The following DHX36 variants were observed in gnomAD, a reference collection of about 807,000 sequenced individuals.
The protein encoded by DHX36 is DEAH-box helicase 36, also known as ATP-dependent DNA/RNA helicase DHX36.
In DHX36, 50 loss-of-function variants were observed where a neutral mutation model predicts 139.0. That is an observed-to-expected ratio of 0.36 (90% CI 0.29 to 0.46). The LOEUF (loss-of-function observed/expected upper bound fraction) is 0.46. DHX36 is among the 20% of genes least tolerant of loss of function. The probability of loss-of-function intolerance (pLI) is 1.00; values close to 1 mark genes in which losing one functional copy is unlikely to be tolerated. For missense variants in DHX36, 1,024 were observed against 1,211.3 expected (o/e 0.85, Z 2.29); for synonymous variants, 425 against 401.9 (o/e 1.06, Z -0.69).
intron 8 of DHX36, among the ~76,000 whole-genome samples, chr3:154,303,732 A>C (rs1712389126): frequency 1.3e-5 from 2 of 152,218 alleles, no homozygotes; most frequent in African/African-American, 4.8e-5. Context: ...TCATTAACCC[A>C]GATGGTGCCA....
intron 5 of DHX36, among the ~76,000 whole-genome samples, chr3:154,306,900 T>G (rs956869573): frequency 6.6e-6 from 1 of 152,100 alleles, no homozygotes; most frequent in Admixed American, 6.5e-5. Context: ...TTCCAATAAG[T>G]ATATCTAGTA....
chr3:154,312,483 T>G (rs945162365), intron 3 of DHX36, among the ~76,000 whole-genome samples: 3 of 151,636 alleles, frequency 2.0e-5, no homozygotes, highest in Non-Finnish European at 4.4e-5. Flanking sequence ...TAGGTACATA[T>G]AATGTAAAAA....
Position 154,309,700 on chromosome 3 carries a change from C to T in DHX36, c.766G>A (p.Ala256Thr). ...GGCTGAGTACAAACTATTCTGCAAG[C>T]AGATCCTTTTCCTCTTTCAATGTAG... ...DNYIERGKGS[A>T]CRIVCTQPRR... Residue 256 changes from alanine (A) to threonine (T), a missense_variant, in exon 5 of 25, where the codon GCT becomes ACT. Around this residue, in one of 4 missense-constraint regions of DHX36, gnomAD observed 146 missense variants for 215.0 expected, o/e 0.68. Coordinates refer to ENST00000496811, the MANE Select transcript of DHX36 (RefSeq NM_020865.3). The T allele has an allele frequency of 6.2e-7, 1 of 1,612,554 alleles. No homozygotes were observed. Among genetic ancestry groups the T allele is most frequent in the African/African-American group, 1.3e-5 (1 of 74,948 alleles).
At position 154,299,902 on chromosome 3, in the gene DHX36, C is replaced by A. The variant is rs139703686; in HGVS notation, c.1485G>T (p.Leu495=). ...EEEDGAILVF[L]PGWDNISTLH... ...AAGTGCTGATATTGTCCCAGCCTGGCAGAAAGACCAGTATCGCACCATCCT... is the reference window on the plus strand; with the variant it reads ...AAGTGCTGATATTGTCCCAGCCTGGAAGAAAGACCAGTATCGCACCATCCT... Residue 495 remains leucine, a synonymous_variant, in exon 12 of 25, where the codon CTG becomes CTT. Coordinates refer to ENST00000496811, the MANE Select transcript of DHX36 (RefSeq NM_020865.3). The A allele has an allele frequency of 1.8e-4, 294 of 1,613,266 alleles. No individual in the cohort carries two copies. The highest frequency in any genetic ancestry group is 2.3e-4 in the Non-Finnish European group (277 of 1,179,436).
Position 154,303,299 on chromosome 3 carries a change from A to T in DHX36, c.1217+30T>A, listed in dbSNP as rs769454298. On this transcript the variant is annotated intron_variant, in intron 9 of 24. Transcript: ENST00000496811. ...GAAAAGTGATATATTAGTACTTTTT[A>T]ATGTTTTTTATTTCCTAATGTTTAC... 18 of 1,470,272 alleles carry T rather than the reference A, an allele frequency of 1.2e-5. 1 individual carries two copies. The highest frequency in any genetic ancestry group is 8.4e-5 in the African/African-American group (6 of 71,088). 91.1% of individuals were successfully genotyped at this position (1,470,272 alleles called of 1,614,324 possible).
Position 154,324,259 on chromosome 3 carries a change from T to G in DHX36, c.158A>C (p.His53Pro). 2 of 1,613,630 alleles carry G rather than the reference T, an allele frequency of 1.2e-6. No homozygotes were observed. Among genetic ancestry groups the G allele is most frequent in the Non-Finnish European group, 1.7e-6 (2 of 1,179,780 alleles). The change falls in exon 1 of 25, where the codon CAT becomes CCT. Residue 53 changes from histidine to proline, a missense_variant. Physicochemically the swap from His to Pro is moderately conservative, Grantham distance 77 (BLOSUM62 -2). Coordinates refer to ENST00000496811, the MANE Select transcript of DHX36 (RefSeq NM_020865.3). ...GGGGRGGRGR[H>P]PGHLKGREIG... ...TTCGCGGCCTTTCAGGTGCCCGGGATGCCGGCCCCTGCCGCCTCGACCACC... is the reference window on the plus strand; with the variant it reads ...TTCGCGGCCTTTCAGGTGCCCGGGAGGCCGGCCCCTGCCGCCTCGACCACC...
chr3:154,300,064 CTTTT>C (rs573027975), intron 11 of DHX36, 139 bp from the exon 12 acceptor site: 2 of 502,370 alleles, frequency 4.0e-6, no homozygotes, highest in Non-Finnish European at 3.6e-6. Context: ...AGTATATAAG[CTTTT>C]TTTTTTTAAT....
At chr3:154,299,485 G>A (rs185976058) in intron 12 of DHX36, among the ~76,000 whole-genome samples, 42 of 152,172 alleles carry the variant, frequency 2.8e-4, no homozygotes, top group Admixed American at 1.1e-3. Context: ...TGTTCAGGTC[G>A]CATTCTTAGA....
In DHX36 at chr3:154,318,141, A is replaced by G. The variant is rs1157383415; in HGVS notation, c.244-1978T>C. Among the ~76,000 whole-genome samples, 3 of 152,268 alleles carry G rather than the reference A, an allele frequency of 2.0e-5. No individual in the cohort carries two copies. In the East Asian group the frequency reaches 5.8e-4, roughly 29 times the overall value. ...TATTACATGCTTTGTGAAAGCTCAA[A>G]TAAGTTTACATGGGTAGGAGGATAA... On this transcript the variant is annotated intron_variant, in intron 1 of 24. Transcript: ENST00000496811.
Position 154,276,319 on chromosome 3 carries a change from T to A in DHX36, c.2879A>T (p.Lys960Met), listed in dbSNP as rs777448506. 1 of 1,613,306 alleles carries A rather than the reference T, an allele frequency of 6.2e-7. No homozygotes were observed. The highest frequency in any genetic ancestry group is 8.5e-7 in the Non-Finnish European group (1 of 1,179,878). The change falls in exon 25 of 25, where the codon AAG (lysine) becomes ATG (methionine). Residue 960 changes from lysine to methionine, a missense_variant. This residue lies in a region of DHX36 where 470 missense variants were observed against 616.2 expected (regional missense o/e 0.76). Coordinates refer to ENST00000496811, the MANE Select transcript of DHX36 (RefSeq NM_020865.3). ...RKELDILLQEKIESPHPVDWN... is the reference protein window; with the variant it reads ...RKELDILLQEMIESPHPVDWN... Reference sequence around the variant, plus strand: ...GTCTACAGGATGAGGACTTTCAATCTTCTCTTGCAGAAGAATATCTAGTTC... The same window carrying A: ...GTCTACAGGATGAGGACTTTCAATCATCTCTTGCAGAAGAATATCTAGTTC...
chr3:154,318,766 G>C (rs899309712), intron 1 of DHX36, among the ~76,000 whole-genome samples: 6 of 152,002 alleles, frequency 3.9e-5, no homozygotes, highest in African/African-American at 1.4e-4. Flanking sequence ...ATATAAACAG[G>C]AAAGATGACC....
At chr3:154,313,109 AC>A (rs1712836778) in intron 3 of DHX36, among the ~76,000 whole-genome samples, 2 of 151,644 alleles carry the variant, frequency 1.3e-5, no homozygotes, top group Non-Finnish European at 2.9e-5. Flanking sequence ...TTATCTAAAA[AC>A]TATTTTTAAT....
In DHX36 at chr3:154,304,736, G is replaced by C. The variant is rs1045285805; in HGVS notation, c.1135+70C>G. 1.0e-5 allele frequency: 12 copies of C among 1,178,326 alleles called. No individual in the cohort carries two copies. In the African/African-American group the frequency reaches 1.7e-4, roughly 17 times the overall value. 73.0% of individuals were successfully genotyped at this position (1,178,326 alleles called of 1,614,324 possible). On this transcript the variant is annotated intron_variant, in intron 8 of 24. Coordinates refer to ENST00000496811, the MANE Select transcript of DHX36 (RefSeq NM_020865.3). ...ATTCATTTTGACTACTCTTTACCTA[G>C]TACCATATTAATTTTTTTAATTGTT...
chr3:154,283,166 A>G, intron 20 of DHX36, 22 bp downstream of exon 20: 2 of 1,551,512 alleles, frequency 1.3e-6, no homozygotes, highest in Non-Finnish European at 1.8e-6. Context: ...TATGATAATT[A>G]CTGCAAAACA....
rs115678202 is a variant in DHX36 at position 154,277,360 on chromosome 3, T to C, written c.2688+238A>G. Among the ~76,000 whole-genome samples, 685 of 152,258 alleles carry C rather than the reference T, an allele frequency of 4.5e-3. 4 individuals are homozygous for C. The highest frequency in any genetic ancestry group is 0.016 in the African/African-American group (650 of 41,562). On this transcript the variant is annotated intron_variant, in intron 23 of 24. Transcript: ENST00000496811. ...ATGCCAATATTTCTTGAAAGCAAGT[T>C]CTGAAAGAAAATTATGCAATCAAAT...
chr3:154,277,069 CATT>C (rs1403234262), intron 23 of DHX36, among the ~76,000 whole-genome samples, 170 bp from the exon 24 acceptor site: 1 of 152,170 alleles, frequency 6.6e-6, no homozygotes, highest in African/African-American at 2.4e-5. Flanking sequence ...GAGCCATCTT[CATT>C]ATTCAGAGAA....
chr3:154,290,652 A>G lies in DHX36; in HGVS notation c.1815-826T>C, dbSNP rs552432534. Among the ~76,000 whole-genome samples, 3 of 151,402 alleles carry G rather than the reference A, an allele frequency of 2.0e-5. No homozygotes were observed. The East Asian group carries it at 5.9e-4, about 30-fold the overall frequency. ...TCATCTCAAAAAAAAAAAAAAAAAAAACTAGATGTGAAGAGGTGACCATAT... is the reference window on the plus strand; with the variant it reads ...TCATCTCAAAAAAAAAAAAAAAAAAGACTAGATGTGAAGAGGTGACCATAT... On this transcript the variant is annotated intron_variant, in intron 15 of 24. Transcript: ENST00000496811.
chr3:154,286,098 T>C (rs1711540435), intron 17 of DHX36, among the ~76,000 whole-genome samples: 2 of 119,882 alleles, frequency 1.7e-5, no homozygotes, highest in South Asian at 5.2e-4. Flanking sequence ...AGATATTTGA[T>C]AAAACTGATT....
At chr3:154,320,065 T>A (rs1032658194) in intron 1 of DHX36, among the ~76,000 whole-genome samples, 1 of 152,212 alleles carries the variant, frequency 6.6e-6, no homozygotes, top group Non-Finnish European at 1.5e-5. Context: ...AACGACCTTG[T>A]TGATAAATCC....
Sources: allele counts gnomAD v4.1 joint callset (sites outside exome capture counted in the v4.1 genomes callset), GRCh38; gene constraint gnomAD v4.1.1; regional missense constraint gnomAD v4.1.1; transcripts MANE v1.5; gene names NCBI Gene and HGNC (gene_info 2026-07-23, HGNC 2026-07-21).